Variants in MAGI3 observed in about 807,000 individuals in gnomAD.
MAGI3 encodes the protein membrane associated guanylate kinase, WW and PDZ domain containing 3.
In MAGI3, 43 loss-of-function variants were observed where a neutral mutation model predicts 121.8. The observed-to-expected ratio is 0.35, with a 90% confidence interval of 0.28 to 0.46. The LOEUF is 0.46. MAGI3 is among the 20% of genes least tolerant of loss of function. The pLI is 1.00. For missense variants in MAGI3, 1,547 were observed against 1,797.3 expected, an observed-to-expected ratio of 0.86 and a Z score of 2.52; for synonymous variants, 553 against 639.3, an observed-to-expected ratio of 0.86 and a Z score of 2.04.
chr1:113,391,101 C>T lies in MAGI3; in HGVS notation c.68C>T (p.Ala23Val), dbSNP rs1271377989. 6.3e-7 allele frequency: 1 copy of T among 1,582,568 alleles called. No individual in the cohort carries two copies. Among genetic ancestry groups the T allele is most frequent in the Non-Finnish European group, 8.6e-7 (1 of 1,165,064 alleles). ...SKVQECAVSW[A>V]GPPGDFGAEI... ...GTGCAGGAGTGCGCCGTGTCCTGGGCCGGGCCCCCGGGCGACTTCGGCGCG... is the reference window on the plus strand; with the variant it reads ...GTGCAGGAGTGCGCCGTGTCCTGGGTCGGGCCCCCGGGCGACTTCGGCGCG... The change falls in exon 1 of 21, where the codon GCC becomes GTC. Residue 23 changes from alanine (A) to valine (V), a missense_variant. Physicochemically the swap from Ala to Val is moderately conservative, Grantham distance 64. Transcript: ENST00000307546. This position sits in a 1 kb window ranked among gnomAD's most constrained non-coding sequence, Gnocchi z 4.4.
At chr1:113,610,848 C>T (rs1049446239) in intron 6 of MAGI3, among the ~76,000 whole-genome samples, 3 of 151,948 alleles carry the variant, frequency 2.0e-5, no homozygotes, top group African/African-American at 7.2e-5. Flanking sequence ...GCAGGGGAAT[C>T]ACTTGAACTG....
At chr1:113,558,588 G>T (rs112450457) in intron 2 of MAGI3, among the ~76,000 whole-genome samples, 9,852 of 151,572 alleles carry the variant, frequency 0.065, 356 homozygotes, top group Non-Finnish European at 0.075. Flanking sequence ...GACTGACTGG[G>T]GTACCTGAAA....
At position 113,683,005 on chromosome 1, in the gene MAGI3, C is replaced by T. The variant is rs1250225566; in HGVS notation, c.3437C>T (p.Pro1146Leu). The T allele has an allele frequency of 1.2e-6, 2 of 1,613,770 alleles. No homozygotes were observed. Among genetic ancestry groups the T allele is most frequent in the Non-Finnish European group, 1.7e-6 (2 of 1,179,868 alleles). ...FASIFEESHV[P>L]VIEESLRVQI... ...TCCATATTTGAAGAGTCTCACGTGC[C>T]AGTAATTGAAGAATCTTTGAGAGTT... Residue 1146 changes from proline to leucine, a missense_variant, in exon 21 of 21, where the codon CCA (proline) becomes CTA (leucine). By Grantham distance (98) the Pro-to-Leu change is moderately conservative. Transcript: ENST00000307546.
intron 14 of MAGI3, 57 bp from the exon 15 acceptor site, chr1:113,653,773 T>C (rs1311062536): frequency 6.4e-6 from 9 of 1,410,684 alleles, no homozygotes; most frequent in African/African-American, 1.5e-5. Context: ...AAAAACACTT[T>C]AGTCACCAGA....
intron 7 of MAGI3, among the ~76,000 whole-genome samples, chr1:113,617,664 T>G (rs1207634627): frequency 6.6e-6 from 1 of 152,180 alleles, no homozygotes; most frequent in Non-Finnish European, 1.5e-5. Flanking sequence ...GCAAAGTGAG[T>G]CATTCTAGCC....
chr1:113,412,235 G>C (rs997807875), intron 1 of MAGI3, among the ~76,000 whole-genome samples: 1 of 152,034 alleles, frequency 6.6e-6, no homozygotes, highest in African/African-American at 2.4e-5. Context: ...GTATTCCATG[G>C]TGTATATGTG....
chr1:113,437,091 G>C (rs558796387), intron 1 of MAGI3, among the ~76,000 whole-genome samples: 1 of 152,088 alleles, frequency 6.6e-6, no homozygotes, highest in Non-Finnish European at 1.5e-5. Context: ...TGGGATTACA[G>C]GCATGAGCCA....
intron 18 of MAGI3, among the ~76,000 whole-genome samples, chr1:113,673,024 T>TAAA (rs1277795272): frequency 6.6e-6 from 1 of 152,216 alleles, no homozygotes; most frequent in African/African-American, 2.4e-5. Flanking sequence ...TGTTACTTGT[T>TAAA]TGTTTCCAGG....
intron 1 of MAGI3, among the ~76,000 whole-genome samples, chr1:113,493,076 T>A (rs968381468): frequency 6.6e-6 from 1 of 152,042 alleles, no homozygotes; most frequent in Non-Finnish European, 1.5e-5. Context: ...AGAGCCCAAA[T>A]AGCCAAGGTG....
chr1:113,416,411 A>ATAT (rs1553182816), intron 1 of MAGI3, among the ~76,000 whole-genome samples: 1 of 27,720 alleles, frequency 3.6e-5, no homozygotes, highest in Non-Finnish European at 8.6e-5. Flanking sequence ...ATTAATTAAT[A>ATAT]ATTAATAATT....
intron 2 of MAGI3, among the ~76,000 whole-genome samples, chr1:113,556,860 C>T (rs1256887635): frequency 6.6e-6 from 1 of 152,082 alleles, no homozygotes; most frequent in Non-Finnish European, 1.5e-5. Flanking sequence ...GGCCCCACAC[C>T]CGGCCTAATA....
intron 1 of MAGI3, among the ~76,000 whole-genome samples, chr1:113,419,139 A>C (rs370952460): frequency 8.5e-4 from 129 of 152,246 alleles, no homozygotes; most frequent in East Asian, 3.1e-3. Flanking sequence ...TATAGAGTTT[A>C]GGGGGCCCAT....
chr1:113,466,225 A>G (rs977493823), intron 1 of MAGI3, among the ~76,000 whole-genome samples: 1 of 152,146 alleles, frequency 6.6e-6, no homozygotes. Context: ...ATTTTATCAA[A>G]TGCTTATTTA....
At chr1:113,513,203 A>G (rs1028969496) in intron 1 of MAGI3, among the ~76,000 whole-genome samples, 1 of 152,202 alleles carries the variant, frequency 6.6e-6, no homozygotes, top group Non-Finnish European at 1.5e-5. Flanking sequence ...CATACTGCCC[A>G]AGGTAATTTA....
At chr1:113,535,275 A>C (rs1026106504) in intron 1 of MAGI3, among the ~76,000 whole-genome samples, 3 of 152,194 alleles carry the variant, frequency 2.0e-5, no homozygotes, top group East Asian at 1.9e-4. Flanking sequence ...ATTTCTAAAA[A>C]ATGGTATACT....
chr1:113,434,164 C>G (rs1653443033), intron 1 of MAGI3, among the ~76,000 whole-genome samples: 1 of 152,144 alleles, frequency 6.6e-6, no homozygotes, highest in African/African-American at 2.4e-5. Context: ...CATAAATGAA[C>G]CTAGCCAAAA....
At chr1:113,630,565 C>A (rs539421615) in intron 9 of MAGI3, among the ~76,000 whole-genome samples, 3 of 152,292 alleles carry the variant, frequency 2.0e-5, no homozygotes, top group Non-Finnish European at 4.4e-5. Flanking sequence ...TGTGCTGGGT[C>A]ACGCCTAAAG....
intron 16 of MAGI3, among the ~76,000 whole-genome samples, chr1:113,661,134 A>G (rs1653767918): frequency 6.6e-6 from 1 of 152,212 alleles, no homozygotes; most frequent in South Asian, 2.1e-4. Flanking sequence ...GAACTGGAGT[A>G]GTAATATCTA....
intron 7 of MAGI3, among the ~76,000 whole-genome samples, chr1:113,617,415 A>G (rs1199433415): frequency 6.6e-6 from 1 of 152,220 alleles, no homozygotes; most frequent in Non-Finnish European, 1.5e-5. Flanking sequence ...TGTAGGTATA[A>G]GTAATTAAAT....
Sources: allele counts gnomAD v4.1 joint callset (sites outside exome capture counted in the v4.1 genomes callset), GRCh38; gene constraint gnomAD v4.1.1; non-coding constraint Gnocchi (gnomAD v3.1); transcripts MANE v1.5; gene names NCBI Gene and HGNC (gene_info 2026-07-23, HGNC 2026-07-21).